AUTS2: variants seen among roughly 807,000 people sequenced by gnomAD.
The protein encoded by AUTS2 is autism susceptibility gene 2 protein.
Under a neutral mutation model 112.4 loss-of-function variants are expected in AUTS2, and 17 were observed. That is an observed-to-expected ratio of 0.15 (90% confidence interval 0.10 to 0.23). The LOEUF is 0.23. Among genes scored for constraint, AUTS2 ranks in the 10% least tolerant of loss-of-function variants. The probability of loss-of-function intolerance (pLI) is 1.00; values close to 1 mark genes in which losing one functional copy is unlikely to be tolerated. For synonymous variants in AUTS2, 751 were observed against 702.7 expected, an observed-to-expected ratio of 1.07 and a Z score of -1.09; for missense variants, 1,510 against 1,701.6, an observed-to-expected ratio of 0.89 and a Z score of 1.98.
intron 2 of AUTS2, among the ~76,000 whole-genome samples, chr7:69,947,885 G>A (rs962387588): frequency 2.6e-5 from 4 of 152,166 alleles, no homozygotes; most frequent in African/African-American, 9.7e-5. Context: ...AGGAAACTGA[G>A]GCTCAGAGAG....
chr7:70,554,951 C>T (rs1390037142), intron 5 of AUTS2, among the ~76,000 whole-genome samples: 1 of 152,206 alleles, frequency 6.6e-6, no homozygotes, highest in African/African-American at 2.4e-5. Flanking sequence ...AGCTCTATTC[C>T]ACCACTGTAG....
Position 70,694,776 on chromosome 7 carries a change from G to A in AUTS2, c.691-3793G>A. 1 of 149,820 alleles carries A rather than the reference G, an allele frequency of 6.7e-6. No individual in the cohort carries two copies. The highest frequency in any genetic ancestry group is 2.4e-5 in the African/African-American group (1 of 41,152). The allele number at this position is 149,820 out of a possible 1,614,324, so 9.3% of individuals were successfully genotyped here. A position where few individuals can be genotyped will look rare whatever the true frequency, so the allele number is the denominator to read the frequency against. On this transcript the variant is annotated intron_variant, in intron 5 of 18. Coordinates refer to ENST00000342771, the MANE Select transcript of AUTS2 (RefSeq NM_015570.4). This position sits in a 1 kb window ranked among gnomAD's most constrained non-coding sequence, Gnocchi z 4.1. ...CCTCCCGCCGCCCGGGGCCTCGGCC[G>A]CGCTGGATGTGTGCGCGCGGCGCCG...
At chr7:70,302,154 T>TA (rs1192150308) in intron 4 of AUTS2, among the ~76,000 whole-genome samples, 3 of 152,196 alleles carry the variant, frequency 2.0e-5, no homozygotes, top group Non-Finnish European at 4.4e-5. Flanking sequence ...CTCATGCTTG[T>TA]AATCCCAGCA....
intron 3 of AUTS2, chr7:70,120,062 AG>A (rs556117083): frequency 1.7e-3 from 259 of 152,230 alleles, no homozygotes; most frequent in African/African-American, 5.9e-3. Flanking sequence ...TTTTACTGAG[AG>A]ATGTCTACTA....
At chr7:70,721,392 G>A (rs1786666448) in intron 6 of AUTS2, among the ~76,000 whole-genome samples, 1 of 151,700 alleles carries the variant, frequency 6.6e-6, no homozygotes. Context: ...TTTGCCTCCT[G>A]GGTTCAAGCT....
chr7:70,205,125 C>A (rs1263703140), intron 4 of AUTS2, among the ~76,000 whole-genome samples: 1 of 152,102 alleles, frequency 6.6e-6, no homozygotes, highest in Non-Finnish European at 1.5e-5. Context: ...CCACTGCAAC[C>A]TCAAACCCAG....
chr7:70,122,865 C>CT (rs11297258), intron 3 of AUTS2, among the ~76,000 whole-genome samples: 4,466 of 92,832 alleles, frequency 0.048, 122 homozygotes, highest in Non-Finnish European at 0.071. Context: ...GAGATGAAAG[C>CT]TTTTTTTTTT....
Position 70,596,703 on chromosome 7 carries a change from C to T in AUTS2, c.691-101866C>T, listed in dbSNP as rs186073204. 8 of 152,336 alleles carry T rather than the reference C, an allele frequency of 5.3e-5. No homozygotes were observed. The East Asian group carries it at 1.5e-3, about 29-fold the overall frequency. 9.4% of individuals were successfully genotyped at this position (152,336 alleles called of 1,614,324 possible). The stretch of plus-strand genomic sequence containing the variant: ...CTTTGTGGGCAAGTCTCCCGCGGAT[C>T]GCAGCACCAGCAGCCAACCCTGGGG... On this transcript the variant is annotated intron_variant, in intron 5 of 18. Coordinates refer to ENST00000342771, the MANE Select transcript of AUTS2 (RefSeq NM_015570.4).
intron 4 of AUTS2, among the ~76,000 whole-genome samples, chr7:70,255,319 G>A (rs996053973): frequency 7.2e-5 from 11 of 151,980 alleles, no homozygotes; most frequent in Non-Finnish European, 1.3e-4. Flanking sequence ...TTATCCGCCC[G>A]CCTCAGCCTC....
chr7:70,536,149 G>A (rs954471259), intron 5 of AUTS2, among the ~76,000 whole-genome samples: 1 of 152,064 alleles, frequency 6.6e-6, no homozygotes, highest in Non-Finnish European at 1.5e-5. Context: ...CCAACATGGC[G>A]AAACCCTGTC....
At chr7:70,442,448 A>G (rs1796157435) in intron 5 of AUTS2, among the ~76,000 whole-genome samples, 1 of 152,170 alleles carries the variant, frequency 6.6e-6, no homozygotes, top group Non-Finnish European at 1.5e-5. Flanking sequence ...ACTTATAAAT[A>G]GACAATTTCT....
intron 5 of AUTS2, among the ~76,000 whole-genome samples, chr7:70,444,966 A>G (rs1796264334): frequency 6.6e-6 from 1 of 152,204 alleles, no homozygotes; most frequent in African/African-American, 2.4e-5. Context: ...GTCTTCGGTC[A>G]GTGAAAAACT....
intron 1 of AUTS2, among the ~76,000 whole-genome samples, chr7:69,605,680 G>A (rs2851486): frequency 1.4e-4 from 22 of 152,274 alleles, no homozygotes; most frequent in Admixed American, 4.6e-4. Context: ...GGTCAGAACC[G>A]CTCTTTTGCT....
intron 4 of AUTS2, among the ~76,000 whole-genome samples, chr7:70,358,035 CG>C (rs1297390149): frequency 6.6e-6 from 1 of 152,126 alleles, no homozygotes; most frequent in East Asian, 1.9e-4. Flanking sequence ...CAGTCCACTC[CG>C]GATGACGTGG....
chr7:70,469,374 A>G (rs1797290145), intron 5 of AUTS2, among the ~76,000 whole-genome samples: 1 of 152,138 alleles, frequency 6.6e-6, no homozygotes, highest in Non-Finnish European at 1.5e-5. Flanking sequence ...AAATAAAGAG[A>G]AGCTGGTAGA....
At chr7:70,599,490 C>T (rs1803366022) in intron 5 of AUTS2, among the ~76,000 whole-genome samples, 1 of 152,146 alleles carries the variant, frequency 6.6e-6, no homozygotes, top group Admixed American at 6.5e-5. Context: ...ATTGGTATCA[C>T]CAAGGAGCCT....
intron 5 of AUTS2, among the ~76,000 whole-genome samples, chr7:70,557,906 C>G (rs1801317169): frequency 6.6e-6 from 1 of 152,170 alleles, no homozygotes; most frequent in South Asian, 2.1e-4. Flanking sequence ...CACAGGAGAG[C>G]AGAAATATTT....
At chr7:70,777,813 G>GAATT (rs1306408468) in intron 14 of AUTS2, among the ~76,000 whole-genome samples, 1 of 152,210 alleles carries the variant, frequency 6.6e-6, no homozygotes, top group East Asian at 1.9e-4. Flanking sequence ...TAGTGACCAA[G>GAATT]AATTAGAATA....
intron 2 of AUTS2, among the ~76,000 whole-genome samples, chr7:69,926,164 A>G (rs968597705): frequency 6.6e-6 from 1 of 152,224 alleles, no homozygotes; most frequent in African/African-American, 2.4e-5. Context: ...TATAAATGCC[A>G]GTCAGCCCAA....
Sources: gnomAD v4.1 joint callset for allele counts (sites outside exome capture counted in the v4.1 genomes callset) on GRCh38, gnomAD v4.1.1 for gene constraint, Gnocchi (gnomAD v3.1) non-coding constraint, MANE v1.5 for transcripts, NCBI Gene and HGNC (gene_info 2026-07-23, HGNC 2026-07-21) for gene names.